CCDC178: variants seen among roughly 807,000 people sequenced by gnomAD.
CCDC178 encodes coiled-coil domain containing 178, also known as coiled-coil domain-containing protein 178.
CCDC178 carries 126 observed loss-of-function variants against 117.4 expected under a neutral mutation model. That is an observed-to-expected ratio of 1.07 (90% CI 0.93 to 1.24). The LOEUF (loss-of-function observed/expected upper bound fraction) is 1.24. Ranked by LOEUF, CCDC178 falls within the 50% of genes most tolerant of loss-of-function variation. The pLI, the probability that CCDC178 is intolerant of heterozygous loss-of-function variation, is 0.00. For synonymous variants in CCDC178, 283 were observed against 313.4 expected (o/e 0.90, Z 1.02); for missense variants, 1,030 against 986.9 (o/e 1.04, Z -0.59).
chr18:33,244,494 T>C (rs1043530417), intron 15 of CCDC178, among the ~76,000 whole-genome samples: 3 of 151,888 alleles, frequency 2.0e-5, no homozygotes, highest in African/African-American at 7.2e-5. Context: ...ATTCTCATGA[T>C]AGTGAGTAAG....
intron 21 of CCDC178, among the ~76,000 whole-genome samples, chr18:32,989,634 C>T (rs7236780): frequency 0.042 from 6,373 of 152,154 alleles, 169 homozygotes; most frequent in East Asian, 0.081. Flanking sequence ...ATTTGCATGT[C>T]ATATATTTTC....
intron 8 of CCDC178, 134 bp downstream of exon 8, chr18:33,348,756 T>A: frequency 3.2e-6 from 2 of 623,208 alleles, no homozygotes; most frequent in South Asian, 2.0e-5. Context: ...TATAGAGGAC[T>A]ATTTTGTCTA....
At chr18:33,096,411 C>G (rs1046620743) in intron 20 of CCDC178, among the ~76,000 whole-genome samples, 1 of 139,668 alleles carries the variant, frequency 7.2e-6, no homozygotes, top group African/African-American at 2.6e-5. Context: ...AAATATAAAG[C>G]CTATATCATA....
At chr18:33,333,109 T>C in intron 10 of CCDC178, 65 bp downstream of exon 10, 1 of 954,064 alleles carries the variant, frequency 1.0e-6, no homozygotes, top group Non-Finnish European at 1.6e-6. Context: ...TAATTTCTTA[T>C]GGTTGAAAAG....
At chr18:32,971,343 G>A (rs946353356) in intron 22 of CCDC178, among the ~76,000 whole-genome samples, 5 of 152,128 alleles carry the variant, frequency 3.3e-5, no homozygotes, top group Non-Finnish European at 7.4e-5. Flanking sequence ...TCCCTGCAAA[G>A]GACATGATCT....
At chr18:33,005,421 C>T (rs1453194675) in intron 21 of CCDC178, among the ~76,000 whole-genome samples, 2 of 151,834 alleles carry the variant, frequency 1.3e-5, no homozygotes, top group Non-Finnish European at 2.9e-5. Context: ...AACAATAGAA[C>T]TCATGGAAAT....
At chr18:33,181,872 G>T (rs2058736280) in intron 20 of CCDC178, among the ~76,000 whole-genome samples, 1 of 151,512 alleles carries the variant, frequency 6.6e-6, no homozygotes, top group Admixed American at 6.6e-5. Flanking sequence ...GACATATTAA[G>T]AAAAAAAGTC....
chr18:33,332,293 G>A (rs1032747595), intron 10 of CCDC178, among the ~76,000 whole-genome samples: 15 of 152,086 alleles, frequency 9.9e-5, no homozygotes, highest in Admixed American at 8.5e-4. Context: ...GAACTGTTGA[G>A]GGGAACACAG....
At chr18:33,338,329 A>AG (rs1221137562) in intron 9 of CCDC178, among the ~76,000 whole-genome samples, 1 of 152,210 alleles carries the variant, frequency 6.6e-6, no homozygotes, top group African/African-American at 2.4e-5. Flanking sequence ...TTCAGCTACT[A>AG]GGGAAAACAG....
intron 20 of CCDC178, among the ~76,000 whole-genome samples, chr18:33,108,088 A>G (rs2057731927): frequency 6.6e-6 from 1 of 151,634 alleles, no homozygotes; most frequent in Non-Finnish European, 1.5e-5. Context: ...CTGGGTGCAC[A>G]CATTTACCAA....
chr18:33,090,639 A>G (rs905384027), intron 21 of CCDC178, among the ~76,000 whole-genome samples: 2 of 152,336 alleles, frequency 1.3e-5, no homozygotes, highest in South Asian at 4.1e-4. Context: ...AACAGCATCA[A>G]TAAGGCCTCT....
intron 20 of CCDC178, among the ~76,000 whole-genome samples, chr18:33,190,466 A>G (rs2058843781): frequency 6.6e-6 from 1 of 152,170 alleles, no homozygotes; most frequent in Non-Finnish European, 1.5e-5. Flanking sequence ...TATAATTTTT[A>G]TGAGTTGGTT....
chr18:33,200,024 G>C (rs944504477), intron 20 of CCDC178, among the ~76,000 whole-genome samples: 1 of 152,018 alleles, frequency 6.6e-6, no homozygotes, highest in African/African-American at 2.4e-5. Flanking sequence ...GACTCAACAA[G>C]TTCTGTCTAC....
intron 14 of CCDC178, among the ~76,000 whole-genome samples, chr18:33,257,316 C>A (rs1395748030): frequency 6.6e-6 from 1 of 152,120 alleles, no homozygotes; most frequent in Non-Finnish European, 1.5e-5. Context: ...CAGAAGTAGA[C>A]AGATACTTTC....
chr18:33,238,411 A>T (rs2059450631), intron 15 of CCDC178, among the ~76,000 whole-genome samples: 1 of 152,130 alleles, frequency 6.6e-6, no homozygotes, highest in African/African-American at 2.4e-5. Context: ...ATCAGGAAAC[A>T]ATTTATGATT....
chr18:33,102,488 G>A (rs2057644366), intron 20 of CCDC178, among the ~76,000 whole-genome samples: 1 of 150,906 alleles, frequency 6.6e-6, no homozygotes, highest in Admixed American at 6.6e-5. Flanking sequence ...GAAAACATTA[G>A]GGCTATTGCC....
chr18:33,150,020 T>C (rs924158726), intron 20 of CCDC178, among the ~76,000 whole-genome samples: 2 of 152,164 alleles, frequency 1.3e-5, no homozygotes, highest in Non-Finnish European at 2.9e-5. Flanking sequence ...CAAAACAGCA[T>C]GGTACTGGCA....
At chr18:33,422,557 A>G (rs987368567) in intron 2 of CCDC178, among the ~76,000 whole-genome samples, 2 of 152,230 alleles carry the variant, frequency 1.3e-5, no homozygotes, top group African/African-American at 2.4e-5. Context: ...GGCACTAGCC[A>G]CAGTATCACC....
intron 20 of CCDC178, among the ~76,000 whole-genome samples, chr18:33,158,019 A>C (rs1373688732): frequency 3.9e-5 from 6 of 152,104 alleles, no homozygotes; most frequent in Non-Finnish European, 8.8e-5. Flanking sequence ...TTCTTAGACT[A>C]ACTGGAATGA....
Sources: gnomAD v4.1 joint callset for allele counts (sites outside exome capture counted in the v4.1 genomes callset) on GRCh38, gnomAD v4.1.1 for gene constraint, MANE v1.5 for transcripts, NCBI Gene and HGNC (gene_info 2026-07-23, HGNC 2026-07-21) for gene names.